The following ITPR1 variants were observed in gnomAD, a reference collection of about 807,000 sequenced individuals.
The protein encoded by ITPR1 is inositol 1,4,5-trisphosphate-gated calcium channel ITPR1.
In ITPR1, 96 loss-of-function variants were observed where a neutral mutation model predicts 318.4. The observed-to-expected ratio is 0.30, with a 90% confidence interval of 0.26 to 0.36. The LOEUF (loss-of-function observed/expected upper bound fraction) is 0.36. ITPR1 is among the 10% of genes least tolerant of loss of function. The probability of loss-of-function intolerance (pLI) is 1.00; values close to 1 mark genes in which losing one functional copy is unlikely to be tolerated. For missense variants in ITPR1, 2,440 were observed against 3,460.2 expected (o/e 0.71, Z 7.40); for synonymous variants, 1,312 against 1,289.9 (o/e 1.02, Z -0.37).
chr3:4,652,720 C>T (rs1256465392), intron 11 of ITPR1, among the ~76,000 whole-genome samples: 1 of 152,078 alleles, frequency 6.6e-6, no homozygotes, highest in African/African-American at 2.4e-5. Flanking sequence ...TTAACTTTAC[C>T]TTAAATGTCT....
intron 4 of ITPR1, among the ~76,000 whole-genome samples, chr3:4,616,925 G>A (rs926123110): frequency 6.6e-6 from 1 of 151,968 alleles, no homozygotes; most frequent in Non-Finnish European, 1.5e-5. Flanking sequence ...TGCGAGTGTT[G>A]CGTTGCCTCC....
chr3:4,842,542 AT>A (rs1168855091), intron 61 of ITPR1, among the ~76,000 whole-genome samples: 3 of 152,086 alleles, frequency 2.0e-5, no homozygotes, highest in African/African-American at 7.2e-5. Flanking sequence ...TAATTTTTGT[AT>A]TTTTAGTAGA....
intron 13 of ITPR1, among the ~76,000 whole-genome samples, chr3:4,659,462 C>G (rs2093785777): frequency 6.6e-6 from 1 of 152,092 alleles, no homozygotes; most frequent in Non-Finnish European, 1.5e-5. Context: ...AGACAGATCA[C>G]TTGATTGAGT....
intron 44 of ITPR1, among the ~76,000 whole-genome samples, chr3:4,762,061 A>G (rs2045490991): frequency 6.6e-6 from 1 of 151,228 alleles, no homozygotes; most frequent in Non-Finnish European, 1.5e-5. Flanking sequence ...AAGAAGAAGT[A>G]TGTTAGTTCT....
At chr3:4,607,263 T>C (rs1270222932) in intron 4 of ITPR1, among the ~76,000 whole-genome samples, 1 of 152,132 alleles carries the variant, frequency 6.6e-6, no homozygotes. Context: ...TAACAGGATC[T>C]CTAGATGATT....
At chr3:4,507,095 A>G (rs948280693) in intron 2 of ITPR1, among the ~76,000 whole-genome samples, 21 of 151,758 alleles carry the variant, frequency 1.4e-4, no homozygotes, top group Non-Finnish European at 1.9e-4. Flanking sequence ...TGAGAAGAGT[A>G]GCAATTTTTT....
At chr3:4,713,552 C>A (rs1203616241) in intron 39 of ITPR1, among the ~76,000 whole-genome samples, 2 of 152,138 alleles carry the variant, frequency 1.3e-5, no homozygotes, top group Non-Finnish European at 2.9e-5. Flanking sequence ...AGGTGTGCTG[C>A]CCTGCTCCCT....
At chr3:4,814,362 A>G (rs1346105019) in intron 57 of ITPR1, 61 bp from the exon 58 acceptor site, 1 of 1,581,272 alleles carries the variant, frequency 6.3e-7, no homozygotes, top group Non-Finnish European at 8.7e-7. Flanking sequence ...CAGGATTTCA[A>G]AATCCCGGTC....
chr3:4,639,308 A>G, intron 5 of ITPR1, 76 bp from the exon 6 acceptor site: 2 of 1,126,724 alleles, frequency 1.8e-6, no homozygotes, highest in South Asian at 1.3e-5. Context: ...AACTGGCGAC[A>G]TTTGTTCTGC....
At chr3:4,800,152 G>C in intron 53 of ITPR1, 1 of 455,324 alleles carries the variant, frequency 2.2e-6, no homozygotes. Context: ...AAGGGGATTG[G>C]GGGAGGCTTC....
rs1308338436 is a variant in ITPR1 at position 4,775,227 on chromosome 3, A to G, written c.5980-15A>G. ...CTGCCTTTGCTCACCGAACCTGGGGACTACCCAATTGCAGAACTTCCTCCG... is the reference window on the plus strand; with the variant it reads ...CTGCCTTTGCTCACCGAACCTGGGGGCTACCCAATTGCAGAACTTCCTCCG... On this transcript the variant is annotated splice_polypyrimidine_tract_variant and intron_variant, in intron 46 of 61. Transcript: ENST00000649015. 1.6e-5 allele frequency: 25 copies of G among 1,602,394 alleles called. No homozygotes were observed. The highest frequency in any genetic ancestry group is 2.0e-5 in the Non-Finnish European group (23 of 1,169,454).
chr3:4,663,019 C>A (rs1164334244), intron 15 of ITPR1, 46 bp from the exon 16 acceptor site: 1 of 1,584,648 alleles, frequency 6.3e-7, no homozygotes, highest in South Asian at 1.1e-5. Context: ...TTCCAGCCTG[C>A]TGAACACTGA....
At chr3:4,838,673 C>A (rs142744690) in intron 61 of ITPR1, among the ~76,000 whole-genome samples, 1 of 152,232 alleles carries the variant, frequency 6.6e-6, no homozygotes, top group Non-Finnish European at 1.5e-5. Context: ...GGAATTGCAA[C>A]AGTGAGGCAT....
At chr3:4,574,198 C>T (rs2088359235) in intron 4 of ITPR1, among the ~76,000 whole-genome samples, 1 of 149,000 alleles carries the variant, frequency 6.7e-6, no homozygotes. Context: ...GATGCCTTAT[C>T]TTCTTTTTTT....
chr3:4,551,849 G>A (rs1277714404), intron 4 of ITPR1, among the ~76,000 whole-genome samples: 1 of 152,112 alleles, frequency 6.6e-6, no homozygotes, highest in Non-Finnish European at 1.5e-5. Flanking sequence ...CTTATTTTTT[G>A]ACTACATCTC....
At chr3:4,796,299 A>AT (rs3838624) in intron 53 of ITPR1, among the ~76,000 whole-genome samples, 95,331 of 149,672 alleles carry the variant, frequency 0.64, 30,307 homozygotes, top group South Asian at 0.71. Context: ...TCCAGGGGGG[A>AT]TTTTTTTTTT....
intron 4 of ITPR1, among the ~76,000 whole-genome samples, chr3:4,538,127 C>T (rs933476517): frequency 5.3e-5 from 8 of 151,938 alleles, no homozygotes; most frequent in African/African-American, 1.9e-4. Context: ...TCTGACTTCT[C>T]AAATTGTAAT....
intron 46 of ITPR1, among the ~76,000 whole-genome samples, chr3:4,774,556 A>G (rs1394885297): frequency 6.6e-6 from 1 of 152,176 alleles, no homozygotes; most frequent in Non-Finnish European, 1.5e-5. Flanking sequence ...AAAATACTCT[A>G]TTTCTCAAGT....
At chr3:4,571,545 G>T (rs977860889) in intron 4 of ITPR1, among the ~76,000 whole-genome samples, 1 of 151,970 alleles carries the variant, frequency 6.6e-6, no homozygotes, top group Non-Finnish European at 1.5e-5. Context: ...CATTGCCCAG[G>T]CTGGTCTTGA....
Sources: allele counts gnomAD v4.1 joint callset (sites outside exome capture counted in the v4.1 genomes callset), GRCh38; gene constraint gnomAD v4.1.1; transcripts MANE v1.5; gene names NCBI Gene and HGNC (gene_info 2026-07-23, HGNC 2026-07-21).